Variants in MKX observed in about 807,000 individuals in gnomAD.
The protein encoded by MKX is mohawk homeobox.
MKX carries 13 observed loss-of-function variants against 36.0 expected under a neutral mutation model. The ratio of observed to expected loss-of-function variants is 0.36; its 90% CI spans 0.24 to 0.57. MKX has a LOEUF of 0.57. Among genes scored for constraint, MKX ranks in the 20% least tolerant of loss-of-function variants. The probability of loss-of-function intolerance (pLI) is 0.79; values close to 1 mark genes in which losing one functional copy is unlikely to be tolerated. For synonymous variants in MKX, 176 were observed against 178.3 expected (o/e 0.99, Z 0.10); for missense variants, 458 against 456.4 (o/e 1.00, Z -0.03).
At chr10:27,715,538 C>T (rs528514077) in intron 5 of MKX, among the ~76,000 whole-genome samples, 3 of 152,172 alleles carry the variant, frequency 2.0e-5, no homozygotes, top group Admixed American at 6.5e-5. Context: ...CAAACTCTCT[C>T]ACACTGTTAA....
intron 5 of MKX, among the ~76,000 whole-genome samples, chr10:27,685,714 T>C (rs1200138059): frequency 2.0e-5 from 3 of 152,142 alleles, no homozygotes; most frequent in African/African-American, 7.2e-5. Flanking sequence ...CCTCTCAAAG[T>C]GCTGGGATTA....
intron 5 of MKX, among the ~76,000 whole-genome samples, chr10:27,729,089 C>T (rs532812570): frequency 6.6e-5 from 10 of 152,106 alleles, no homozygotes; most frequent in African/African-American, 7.2e-5. Context: ...GAAGTTAGCC[C>T]GATTAATTCA....
intron 5 of MKX, among the ~76,000 whole-genome samples, chr10:27,729,622 T>C (rs546569602): frequency 6.6e-6 from 1 of 152,140 alleles, no homozygotes; most frequent in Non-Finnish European, 1.5e-5. Context: ...TAGGCCTTTA[T>C]AAACTGATCA....
rs561248218 is a variant in MKX, at chr10:27,682,103, G to A, written c.839-6549C>T. Among the ~76,000 whole-genome samples the A allele has an allele frequency of 6.6e-5, 10 of 152,210 alleles. No individual in the cohort carries two copies. In the South Asian group the frequency reaches 1.9e-3, roughly 28 times the overall value. ...GTGATATTGATGAGCCTTACCCTGTGCAGGCCTAGGTTAATGTGTGTGTTT... is the reference window on the plus strand; with the variant it reads ...GTGATATTGATGAGCCTTACCCTGTACAGGCCTAGGTTAATGTGTGTGTTT... On this transcript the variant is annotated intron_variant, in intron 5 of 6. Coordinates refer to ENST00000419761, the MANE Select transcript of MKX (RefSeq NM_173576.3).
At position 27,678,072 on chromosome 10, in the gene MKX, A is replaced by G. The variant is rs77311524; in HGVS notation, c.839-2518T>C. On this transcript the variant is annotated intron_variant, in intron 5 of 6. Coordinates refer to ENST00000419761, the MANE Select transcript of MKX (RefSeq NM_173576.3). ...AGATCACTTACTACGTGCCAGGCACAATTCTGAGTACTTTGTGTCCTAATT... is the reference window on the plus strand; with the variant it reads ...AGATCACTTACTACGTGCCAGGCACGATTCTGAGTACTTTGTGTCCTAATT... 2.3e-3 allele frequency among the ~76,000 whole-genome samples: 351 copies of G among 152,362 alleles called. 6 individuals carry two copies. The East Asian group carries it at 0.056, about 25-fold the overall frequency.
At chr10:27,734,135 A>C (rs755396035) in intron 5 of MKX, among the ~76,000 whole-genome samples, 4 of 151,814 alleles carry the variant, frequency 2.6e-5, no homozygotes, top group Non-Finnish European at 4.4e-5. Context: ...ATTATTATAA[A>C]GAATGAAAAT....
intron 4 of MKX, 55 bp from the exon 5 acceptor site, chr10:27,734,846 C>T: frequency 8.8e-7 from 1 of 1,138,136 alleles, no homozygotes; most frequent in Non-Finnish European, 1.2e-6. Flanking sequence ...CCCCCAGCCA[C>T]CCAACTCTTA....
chr10:27,674,236 T>C lies in MKX; in HGVS notation c.*993A>G, dbSNP rs1183679675. ...AATCAATTTTATGTATGTATATGTA[T>C]AGCCGCACAGAGATACATTTCTTTC... On this transcript the variant is annotated 3_prime_UTR_variant, in exon 7 of 7. Coordinates refer to ENST00000419761, the MANE Select transcript of MKX (RefSeq NM_173576.3). 6.6e-6 allele frequency: 1 copy of C among 152,314 alleles called. No homozygotes were observed. The highest frequency in any genetic ancestry group is 2.4e-5 in the African/African-American group (1 of 41,460). The allele number at this position is 152,314 out of a possible 1,614,324, so 9.4% of individuals were successfully genotyped here.
chr10:27,688,779 A>G (rs1194378096), intron 5 of MKX, among the ~76,000 whole-genome samples: 1 of 152,214 alleles, frequency 6.6e-6, no homozygotes, highest in Non-Finnish European at 1.5e-5. Context: ...TAATATTGAT[A>G]TTCATCCTTT....
chr10:27,692,552 A>G (rs764640111), intron 5 of MKX, among the ~76,000 whole-genome samples: 3 of 152,174 alleles, frequency 2.0e-5, no homozygotes, highest in Admixed American at 1.3e-4. Context: ...TTGTGCTGGT[A>G]GGGCCTTTTA....
At chr10:27,737,935 A>T (rs1443573505) in intron 3 of MKX, among the ~76,000 whole-genome samples, 1 of 152,106 alleles carries the variant, frequency 6.6e-6, no homozygotes, top group Non-Finnish European at 1.5e-5. Context: ...GTAATACACT[A>T]CCCTTCTAAC....
At position 27,743,143 on chromosome 10, in the gene MKX, G is replaced by T. The variant is rs1426911353; in HGVS notation, c.188+85C>A. On this transcript the variant is annotated intron_variant, in intron 2 of 6. Coordinates refer to ENST00000419761, the MANE Select transcript of MKX (RefSeq NM_173576.3). ...CGGGCCCTTTCCCGTCCACCCGCCC[G>T]CGTTGCCACGGGACCCCGTCACAGC... The T allele has an allele frequency of 1.8e-5, 23 of 1,291,426 alleles. 2 individuals carry two copies. Among genetic ancestry groups the T allele is most frequent in the Middle Eastern group, 2.7e-4 (1 of 3,702 alleles). The allele number at this position is 1,291,426 out of a possible 1,614,324, so 80.0% of individuals were successfully genotyped here.
intron 3 of MKX, among the ~76,000 whole-genome samples, chr10:27,738,158 C>T (rs1235683020): frequency 6.6e-6 from 1 of 151,998 alleles, no homozygotes; most frequent in Non-Finnish European, 1.5e-5. Flanking sequence ...TTGACCACCA[C>T]CCAATCTGGT....
intron 5 of MKX, among the ~76,000 whole-genome samples, chr10:27,708,579 A>G (rs1836797342): frequency 6.6e-6 from 1 of 152,152 alleles, no homozygotes; most frequent in Non-Finnish European, 1.5e-5. Context: ...AAATAAAAAA[A>G]TTAGCTGAGC....
rs1185721991 is a variant in MKX at position 27,742,988 on chromosome 10, G to T, written c.188+240C>A. ...GCGGAGGGCCGAGGGGCAGCTCCTG[G>T]CGCCCTTAGTCTCCACCAAGCTCTT... On this transcript the variant is annotated intron_variant, in intron 2 of 6. Transcript: ENST00000419761. The surrounding 1 kb of genome is among the most constrained non-coding windows in gnomAD (Gnocchi z 4.2). 6.6e-6 allele frequency among the ~76,000 whole-genome samples: 1 copy of T among 152,248 alleles called. No homozygotes were observed. Among genetic ancestry groups the T allele is most frequent in the East Asian group, 1.9e-4 (1 of 5,194 alleles).
At chr10:27,688,698 A>G (rs2637328) in intron 5 of MKX, among the ~76,000 whole-genome samples, 122,228 of 152,120 alleles carry the variant, frequency 0.8, 49,159 homozygotes, top group Admixed American at 0.84. Flanking sequence ...ATGCAGGTTG[A>G]GCTACTAGTT....
intron 5 of MKX, among the ~76,000 whole-genome samples, chr10:27,723,524 A>G (rs1001257799): frequency 6.6e-6 from 1 of 152,250 alleles, no homozygotes; most frequent in Non-Finnish European, 1.5e-5. Flanking sequence ...TGTGGATTCC[A>G]ACAGCCAGCC....
chr10:27,684,689 A>C (rs1459175801), intron 5 of MKX, among the ~76,000 whole-genome samples: 1 of 152,232 alleles, frequency 6.6e-6, no homozygotes, highest in African/African-American at 2.4e-5. Flanking sequence ...AGAATTCAAA[A>C]TCCAGCTTCA....
intron 5 of MKX, among the ~76,000 whole-genome samples, chr10:27,729,573 C>T (rs111623444): frequency 0.023 from 3,540 of 152,122 alleles, 149 homozygotes; most frequent in African/African-American, 0.081. Flanking sequence ...TCCCAAAGTG[C>T]TGGGATTACA....
Sources: allele counts gnomAD v4.1 joint callset (sites outside exome capture counted in the v4.1 genomes callset), GRCh38; gene constraint gnomAD v4.1.1; non-coding constraint Gnocchi (gnomAD v3.1); transcripts MANE v1.5; gene names NCBI Gene and HGNC (gene_info 2026-07-23, HGNC 2026-07-21).